NEDD4L: variants seen among roughly 807,000 people sequenced by gnomAD.
The protein encoded by NEDD4L is NEDD4 like E3 ubiquitin protein ligase.
Under a neutral mutation model 148.9 loss-of-function variants are expected in NEDD4L, and 54 were observed. The observed-to-expected ratio is 0.36, with a 90% CI of 0.29 to 0.45. The LOEUF is 0.45. Ranked by LOEUF, NEDD4L falls within the 20% of genes least tolerant of loss-of-function variation. The pLI is 1.00. For synonymous variants in NEDD4L, 433 were observed against 440.7 expected (o/e 0.98, Z 0.22); for missense variants, 856 against 1,233.8 (o/e 0.69, Z 4.59).
At position 58,147,372 on chromosome 18, in the gene NEDD4L, A is replaced by T. The variant is rs189069466; in HGVS notation, c.49-18416A>T. ...GGGGCACTTTCCCTGGTGTAATATT[A>T]AAAAAAACTCTCCACGTTGCCACAT... On this transcript the variant is annotated intron_variant, in intron 1 of 30. Transcript: ENST00000400345. Among the ~76,000 whole-genome samples, 7 of 151,948 alleles carry T rather than the reference A, an allele frequency of 4.6e-5. No individual in the cohort carries two copies. The East Asian group carries it at 9.7e-4, about 21-fold the overall frequency.
At chr18:58,107,484 G>A (rs1012733614) in intron 1 of NEDD4L, among the ~76,000 whole-genome samples, 2 of 152,160 alleles carry the variant, frequency 1.3e-5, no homozygotes, top group Non-Finnish European at 2.9e-5. Context: ...TTTGGAGGCC[G>A]AGGCTGGCAG....
chr18:58,329,459 C>G (rs927279875), intron 10 of NEDD4L, among the ~76,000 whole-genome samples: 1 of 152,030 alleles, frequency 6.6e-6, no homozygotes, highest in African/African-American at 2.4e-5. Context: ...TGGGTTCGAG[C>G]AATTCTCCTG....
chr18:58,137,345 C>T (rs1450105866), intron 1 of NEDD4L, among the ~76,000 whole-genome samples: 1 of 152,174 alleles, frequency 6.6e-6, no homozygotes, highest in East Asian at 1.9e-4. Flanking sequence ...TCATGGGCAC[C>T]ACTCGTAAGT....
At chr18:58,102,859 C>G (rs557461459) in intron 1 of NEDD4L, among the ~76,000 whole-genome samples, 2 of 152,168 alleles carry the variant, frequency 1.3e-5, no homozygotes, top group South Asian at 2.1e-4. Context: ...TGCTGAGGGA[C>G]AACTGTATAT....
Position 58,342,921 on chromosome 18 carries a change from C to T in NEDD4L, c.1393C>T (p.Pro465Ser). The T allele has an allele frequency of 6.2e-7, 1 of 1,610,820 alleles. No individual in the cohort carries two copies. Among genetic ancestry groups the T allele is most frequent in the Non-Finnish European group, 8.5e-7 (1 of 1,178,496 alleles). The change falls in exon 16 of 31, where the codon CCC becomes TCC. Residue 465 changes from proline (P) to serine (S), a missense_variant. Coordinates refer to ENST00000400345, the MANE Select transcript of NEDD4L (RefSeq NM_001144967.3). ...SAPLEGAKDS[P>S]VRRAVKDTLS... ...TATTCTTTAGGGTGCCAAGGACTCA[C>T]CCGTACGTCGGGCTGTGAAAGACAC...
chr18:58,365,136 C>T (rs1027319319), intron 20 of NEDD4L, among the ~76,000 whole-genome samples: 4 of 152,222 alleles, frequency 2.6e-5, no homozygotes, highest in Admixed American at 2.6e-4. Context: ...GGATGGGGCA[C>T]AATGTCTGCT....
chr18:58,259,439 T>G (rs1399632696), intron 5 of NEDD4L, among the ~76,000 whole-genome samples: 1 of 152,170 alleles, frequency 6.6e-6, no homozygotes, highest in African/African-American at 2.4e-5. Context: ...TAAATTAGCT[T>G]TTGGGTTATT....
intron 5 of NEDD4L, among the ~76,000 whole-genome samples, chr18:58,302,703 A>G (rs1035960885): frequency 6.6e-6 from 1 of 152,240 alleles, no homozygotes. Flanking sequence ...AGTTTATGAA[A>G]TAGAACACGC....
intron 1 of NEDD4L, among the ~76,000 whole-genome samples, chr18:58,157,947 TA>T (rs1375852580): frequency 6.6e-6 from 1 of 152,242 alleles, no homozygotes; most frequent in Non-Finnish European, 1.5e-5. Flanking sequence ...TAGCAGCTTA[TA>T]AAGCAACAGA....
intron 1 of NEDD4L, among the ~76,000 whole-genome samples, chr18:58,160,741 T>C (rs2036097463): frequency 6.6e-6 from 1 of 152,212 alleles, no homozygotes; most frequent in Non-Finnish European, 1.5e-5. Flanking sequence ...GATGGTTGCT[T>C]ATCTGTGTTT....
intron 1 of NEDD4L, among the ~76,000 whole-genome samples, chr18:58,053,125 A>G (rs1332901453): frequency 6.6e-6 from 1 of 152,212 alleles, no homozygotes; most frequent in African/African-American, 2.4e-5. Flanking sequence ...TTTGGGCTGC[A>G]GTGGACCAAT....
chr18:58,077,825 T>C (rs1393815357), intron 1 of NEDD4L, among the ~76,000 whole-genome samples: 2 of 152,286 alleles, frequency 1.3e-5, no homozygotes, highest in East Asian at 3.9e-4. Context: ...ACAGTGGTTC[T>C]CAACCAGGGG....
At position 58,351,015 on chromosome 18, in the gene NEDD4L, T is replaced by C. The variant is rs1192500689; in HGVS notation, c.1678T>C (p.Leu560=). The C allele has an allele frequency of 6.3e-6, 10 of 1,594,826 alleles. No individual in the cohort carries two copies. The South Asian group carries it at 6.9e-5, about 11-fold the overall frequency. Reference sequence around the variant, plus strand: ...GCCTGGCTGGGAAGAAAGAATTCACTTGGATGGCCGAACGTTTTATATTGA... The same window carrying C: ...GCCTGGCTGGGAAGAAAGAATTCACCTGGATGGCCGAACGTTTTATATTGA... ...LPPGWEERIH[L]DGRTFYIDHN... Residue 560 remains leucine (L), a synonymous_variant, in exon 18 of 31, where the codon TTG becomes CTG. Coordinates refer to ENST00000400345, the MANE Select transcript of NEDD4L (RefSeq NM_001144967.3).
intron 1 of NEDD4L, among the ~76,000 whole-genome samples, chr18:58,137,771 A>T (rs1416411300): frequency 6.6e-6 from 1 of 152,134 alleles, no homozygotes; most frequent in African/African-American, 2.4e-5. Context: ...ACTGTTGGTC[A>T]GCTCCGTTTT....
rs182400146 is a variant in NEDD4L at position 58,213,025 on chromosome 18, G to A, written c.123-32402G>A. 2.0e-4 allele frequency among the ~76,000 whole-genome samples: 31 copies of A among 152,208 alleles called. 1 individual carries two copies. Among genetic ancestry groups the A allele is most frequent in the Admixed American group, 1.0e-3 (16 of 15,292 alleles). Reference sequence around the variant, plus strand: ...GGAAATGCAGATTAAACAATGAGACGTTACTTTAAACCCATCAGATTGGTA... The same window carrying A: ...GGAAATGCAGATTAAACAATGAGACATTACTTTAAACCCATCAGATTGGTA... On this transcript the variant is annotated intron_variant, in intron 2 of 30. Coordinates refer to ENST00000400345, the MANE Select transcript of NEDD4L (RefSeq NM_001144967.3).
chr18:58,180,175 C>T (rs772718166), intron 2 of NEDD4L, among the ~76,000 whole-genome samples: 3 of 152,198 alleles, frequency 2.0e-5, no homozygotes, highest in African/African-American at 2.4e-5. Flanking sequence ...CGCCCTGCAA[C>T]GCATCCCTCT....
chr18:58,164,593 C>G (rs145021719), intron 1 of NEDD4L, among the ~76,000 whole-genome samples: 1 of 152,176 alleles, frequency 6.6e-6, no homozygotes, highest in African/African-American at 2.4e-5. Flanking sequence ...GCCTCAGCCT[C>G]CTGAGTAGCT....
rs139147852 is a variant in NEDD4L, at chr18:58,114,571, T to C, written c.49-51217T>C. 8.9e-3 allele frequency among the ~76,000 whole-genome samples: 1,361 copies of C among 152,350 alleles called. 7 individuals carry two copies. The highest frequency in any genetic ancestry group is 0.031 in the Middle Eastern group (9 of 294). On this transcript the variant is annotated intron_variant, in intron 1 of 30. Coordinates refer to ENST00000400345, the MANE Select transcript of NEDD4L (RefSeq NM_001144967.3). Reference sequence around the variant, plus strand: ...ATGCTGGAACGTGAAGATGGGAGCATGGACTTTCTGGAGCATCCCAGGTGG... The same window carrying C: ...ATGCTGGAACGTGAAGATGGGAGCACGGACTTTCTGGAGCATCCCAGGTGG...
chr18:58,293,661 A>G (rs980889624), intron 5 of NEDD4L, among the ~76,000 whole-genome samples: 2 of 152,168 alleles, frequency 1.3e-5, no homozygotes, highest in African/African-American at 4.8e-5. Context: ...CCTTTGACTC[A>G]TATGTTTTCT....
Sources: allele counts gnomAD v4.1 joint callset (sites outside exome capture counted in the v4.1 genomes callset), GRCh38; gene constraint gnomAD v4.1.1; transcripts MANE v1.5; gene names NCBI Gene and HGNC (gene_info 2026-07-23, HGNC 2026-07-21).